Variants in ETFB observed in about 807,000 individuals in gnomAD.
The protein encoded by ETFB is beta-ETF.
A neutral mutation model predicts 25.6 loss-of-function variants in ETFB; 20 were observed. That is an observed-to-expected ratio of 0.78 (90% confidence interval 0.55 to 1.14). The LOEUF is 1.14. Ranked by LOEUF, ETFB falls within the 50% of genes most tolerant of loss-of-function variation. The pLI, the probability that ETFB is intolerant of heterozygous loss-of-function variation, is 0.00. For synonymous variants in ETFB, 142 were observed against 146.7 expected (o/e 0.97, Z 0.23); for missense variants, 286 against 342.6 (o/e 0.83, Z 1.30).
chr19:51,354,283 C>T lies in ETFB; in HGVS notation c.83G>A (p.Gly28Asp). 6.2e-7 allele frequency: 1 copy of T among 1,614,178 alleles called. No homozygotes were observed. ...GTGCTTCACACCATCCGTGACCACA[C>T]CGGTCCTGTCAGGCTTCACTCGGAT... ...VKIRVKPDRT[G>D]VVTDGVKHSM... Residue 28 changes from glycine to aspartate, a missense_variant, in exon 2 of 6, where the codon GGT becomes GAT. Transcript: ENST00000309244.
intron 2 of ETFB, among the ~76,000 whole-genome samples, chr19:51,353,941 G>A (rs533597523): frequency 4.4e-4 from 56 of 127,984 alleles, no homozygotes; most frequent in African/African-American, 1.6e-3. Flanking sequence ...AAGAGTCCAG[G>A]CCCCCAGCCC....
At chr19:51,345,447 C>T (rs1985749786) in intron 5 of ETFB, 66 bp from the exon 6 acceptor site, 1 of 1,516,480 alleles carries the variant, frequency 6.6e-7, no homozygotes, top group Non-Finnish European at 9.1e-7. Context: ...CCACCTCCTT[C>T]CCATGGGTGC....
At chr19:51,360,173 G>A (rs11084069) in intron 1 of ETFB, among the ~76,000 whole-genome samples, 36,165 of 151,842 alleles carry the variant, frequency 0.24, 4,877 homozygotes, top group South Asian at 0.42. Context: ...GGGCTGAGGT[G>A]GGTGGATCAC....
At chr19:51,365,266 A>G (rs1010581508) in intron 1 of ETFB, 1 of 152,206 alleles carries the variant, frequency 6.6e-6, no homozygotes, top group African/African-American at 2.4e-5. Context: ...TCTGCAAAGG[A>G]CTTGGAACGA....
At chr19:51,357,484 TTC>T (rs1254528321) in intron 1 of ETFB, among the ~76,000 whole-genome samples, 5 of 89,600 alleles carry the variant, frequency 5.6e-5, no homozygotes, top group African/African-American at 2.6e-4. Context: ...CTTTTTTTCT[TTC>T]TTTCTTTTTT....
At chr19:51,351,053 A>G (rs566124624) in intron 3 of ETFB, among the ~76,000 whole-genome samples, 16 of 152,352 alleles carry the variant, frequency 1.1e-4, no homozygotes, top group African/African-American at 3.4e-4. Context: ...GCCACCTGGC[A>G]TCCCTGTCGT....
intron 4 of ETFB, among the ~76,000 whole-genome samples, chr19:51,349,835 C>T (rs144007644): frequency 1.8e-5 from 2 of 112,440 alleles, no homozygotes; most frequent in African/African-American, 3.8e-5. Flanking sequence ...CTGTAACCTC[C>T]GCCTCCCAAG....
intron 4 of ETFB, among the ~76,000 whole-genome samples, chr19:51,348,817 C>T (rs528619817): frequency 1.2e-4 from 18 of 152,322 alleles, no homozygotes; most frequent in African/African-American, 4.3e-4. Flanking sequence ...TCTATTTCAA[C>T]TGTCATCTTT....
chr19:51,363,297 T>C (rs943858321), intron 1 of ETFB, among the ~76,000 whole-genome samples: 8 of 151,842 alleles, frequency 5.3e-5, no homozygotes, highest in Non-Finnish European at 1.0e-4. Context: ...GTGGGGAACA[T>C]GGGGTAAACA....
In ETFB at chr19:51,350,398, G is replaced by C; in HGVS notation, c.376-7C>G. 7.2e-7 allele frequency: 1 copy of C among 1,380,556 alleles called. No homozygotes were observed. The highest frequency in any genetic ancestry group is 1.0e-6 in the Non-Finnish European group (1 of 971,224). The allele number at this position is 1,380,556 out of a possible 1,614,324, so 85.5% of individuals were successfully genotyped here. A position where few individuals can be genotyped will look rare whatever the true frequency, so the allele number is the denominator to read the frequency against. ...TACAGTCATCATCGATGGCCTGAATGGGGAGAGACAGAAGACTGTATGACA... is the reference window on the plus strand; with the variant it reads ...TACAGTCATCATCGATGGCCTGAATCGGGAGAGACAGAAGACTGTATGACA... On this transcript the variant is annotated splice_region_variant and splice_polypyrimidine_tract_variant and intron_variant, in intron 3 of 5. Coordinates refer to ENST00000309244, the MANE Select transcript of ETFB (RefSeq NM_001985.3).
intron 3 of ETFB, among the ~76,000 whole-genome samples, chr19:51,351,156 A>G (rs1295133233): frequency 6.6e-6 from 1 of 152,190 alleles, no homozygotes; most frequent in Non-Finnish European, 1.5e-5. Flanking sequence ...CAGCAAGGAC[A>G]TTCTAGCCCC....
At position 51,352,459 on chromosome 19, in the gene ETFB, C is replaced by T. The variant is rs560967235; in HGVS notation, c.375+673G>A. On this transcript the variant is annotated intron_variant, in intron 3 of 5. Coordinates refer to ENST00000309244, the MANE Select transcript of ETFB (RefSeq NM_001985.3). ...AAGGCAGACCCAGGCACTGTCCTTG[C>T]CTCCTCCCTGCCCTCCCTCCCCATG... Among the ~76,000 whole-genome samples, 27 of 152,254 alleles carry T rather than the reference C, an allele frequency of 1.8e-4. No individual in the cohort carries two copies. In the South Asian group the frequency reaches 5.6e-3, roughly 32 times the overall value.
At chr19:51,354,033 C>T (rs1345792317) in intron 2 of ETFB, 117 bp downstream of exon 2, 2 of 1,272,734 alleles carry the variant, frequency 1.6e-6, no homozygotes, top group African/African-American at 1.5e-5. Context: ...CCCATCCTCC[C>T]TCAGACCCAG....
chr19:51,348,309 G>C lies in ETFB; in HGVS notation c.439-1251C>G, dbSNP rs571300325. ...TGCACGCTTGTAATCCGATCTACTC[G>C]GGAGGCTGAGGCAGGAGAATCGCTT... On this transcript the variant is annotated intron_variant, in intron 4 of 5. Transcript: ENST00000309244. 3.9e-5 allele frequency: 6 copies of C among 152,246 alleles called. No homozygotes were observed. The East Asian group carries it at 1.2e-3, about 29-fold the overall frequency. 9.4% of individuals were successfully genotyped at this position (152,246 alleles called of 1,614,324 possible). A position where few individuals can be genotyped will look rare whatever the true frequency, so the allele number is the denominator to read the frequency against.
Position 51,345,234 on chromosome 19 carries a change from G to C in ETFB, c.745C>G (p.Leu249Val). ...VETTEDLVAKLKEIGRI is the reference protein window; with the variant it reads ...VETTEDLVAKVKEIGRI The stretch of plus-strand genomic sequence containing the variant: ...GCTCAAATCCGCCCAATCTCCTTCA[G>C]CTTGGCCACCAGGTCCTCAGTGGTC... The change falls in exon 6 of 6, where the codon CTG becomes GTG. Residue 249 changes from leucine to valine, a missense_variant. Physicochemically the swap from Leu to Val is conservative, Grantham distance 32. Transcript: ENST00000309244. 6.2e-7 allele frequency: 1 copy of C among 1,614,168 alleles called. No homozygotes were observed. Among genetic ancestry groups the C allele is most frequent in the Non-Finnish European group, 8.5e-7 (1 of 1,180,028 alleles).
At chr19:51,346,776 C>T (rs901646669) in intron 5 of ETFB, 124 bp downstream of exon 5, 30 of 946,436 alleles carry the variant, frequency 3.2e-5, no homozygotes, top group East Asian at 5.3e-5. Context: ...CTCCAGGTGA[C>T]GGCTTCCTGT....
intron 1 of ETFB, chr19:51,354,950 C>A (rs910030179): frequency 5.7e-6 from 2 of 352,472 alleles, no homozygotes; most frequent in Non-Finnish European, 5.4e-6. Context: ...CTAAAACAAA[C>A]CCACGGTTAC....
intron 3 of ETFB, 101 bp downstream of exon 3, chr19:51,353,031 T>C: frequency 1.4e-6 from 2 of 1,445,596 alleles, no homozygotes; most frequent in Non-Finnish European, 1.9e-6. Context: ...GAGTGGTGAA[T>C]GCCCTGGGCC....
At chr19:51,356,072 T>C (rs536536163) in intron 1 of ETFB, 4 of 151,904 alleles carry the variant, frequency 2.6e-5, no homozygotes, top group Non-Finnish European at 5.9e-5. Context: ...TGCACATGTA[T>C]CCTAAAACTT....
Sources: allele counts gnomAD v4.1 joint callset (sites outside exome capture counted in the v4.1 genomes callset), GRCh38; gene constraint gnomAD v4.1.1; transcripts MANE v1.5; gene names NCBI Gene and HGNC (gene_info 2026-07-23, HGNC 2026-07-21).